MAT2A: variants seen among roughly 807,000 people sequenced by gnomAD.
MAT2A encodes the protein S-adenosylmethionine synthase isoform type-2.
A neutral mutation model predicts 43.9 loss-of-function variants in MAT2A; 3 were observed. That is an observed-to-expected ratio of 0.07 (90% confidence interval 0.03 to 0.18). The LOEUF is 0.18. MAT2A is among the 10% of genes least tolerant of loss of function. MAT2A has a pLI of 1.00. For synonymous variants in MAT2A, 200 were observed against 168.4 expected (o/e 1.19, Z -1.45); for missense variants, 204 against 489.0 (o/e 0.42, Z 5.50).
chr2:85,542,809 A>G (rs1691512163), intron 7 of MAT2A, 62 bp downstream of exon 7: 2 of 1,521,954 alleles, frequency 1.3e-6, no homozygotes, highest in Non-Finnish European at 1.8e-6. Context: ...ATTTAGTAGT[A>G]ATCTACTTAA....
intron 1 of MAT2A, among the ~76,000 whole-genome samples, chr2:85,540,854 G>A (rs1375992378): frequency 6.6e-6 from 1 of 152,154 alleles, no homozygotes; most frequent in Non-Finnish European, 1.5e-5. Flanking sequence ...GGCAAATTCT[G>A]TTCTTTAAAG....
chr2:85,541,065 G>A lies in MAT2A; in HGVS notation c.92-18G>A. On this transcript the variant is annotated intron_variant, in intron 1 of 8. Transcript: ENST00000306434. ...GTTTAAAGTTAAAGAAACTGAGCCA[G>A]GAATTTCTCTTTTCCAGATAAGATT... 5.0e-6 allele frequency: 8 copies of A among 1,590,018 alleles called. No individual in the cohort carries two copies. Among genetic ancestry groups the A allele is most frequent in the Non-Finnish European group, 6.9e-6 (8 of 1,162,306 alleles).
rs961140011 is a variant in MAT2A at position 85,539,254 on chromosome 2, C to A, written c.-34C>A. 6.5e-7 allele frequency: 1 copy of A among 1,536,650 alleles called. No individual in the cohort carries two copies. On this transcript the variant is annotated 5_prime_UTR_variant, in exon 1 of 9. Transcript: ENST00000306434. Reference sequence around the variant, plus strand: ...AGCCGCTGCCGCCTCGCCGCTGCTCCTTCGTAAGGCCACTTCCGCACACCG... The same window carrying A: ...AGCCGCTGCCGCCTCGCCGCTGCTCATTCGTAAGGCCACTTCCGCACACCG...
chr2:85,539,205 C>T lies in MAT2A; in HGVS notation c.-83C>T, dbSNP rs922016177. The T allele has an allele frequency of 2.1e-5, 21 of 980,528 alleles. No individual in the cohort carries two copies. Among genetic ancestry groups the T allele is most frequent in the Admixed American group, 4.2e-5 (2 of 47,174 alleles). The allele number at this position is 980,528 out of a possible 1,614,324, so 60.7% of individuals were successfully genotyped here. A position where few individuals can be genotyped will look rare whatever the true frequency, so the allele number is the denominator to read the frequency against. ...CCGCCCGCCTGCTACGAGTAGAACG[C>T]TGTCCGCAGCTTGCGCATTTCGCAG... On this transcript the variant is annotated 5_prime_UTR_variant, in exon 1 of 9. Transcript: ENST00000306434.
At position 85,541,156 on chromosome 2, in the gene MAT2A, T is replaced by C; in HGVS notation, c.165T>C (p.Ala55=). Residue 55 remains alanine (A), a synonymous_variant, in exon 2 of 9, where the codon GCT becomes GCC. Coordinates refer to ENST00000306434, the MANE Select transcript of MAT2A (RefSeq NM_005911.6). ...AGCAGGATCCTGATGCCAAAGTAGC[T>C]TGTGGTAGGTTCAGAATGTGCTTAT... ...HLQQDPDAKV[A]CETVAKTGMI... is the part of the protein sequence containing the mutation. The C allele has an allele frequency of 1.9e-6, 3 of 1,613,748 alleles. No homozygotes were observed. Among genetic ancestry groups the C allele is most frequent in the Non-Finnish European group, 2.5e-6 (3 of 1,179,672 alleles).
intron 3 of MAT2A, 101 bp downstream of exon 3, chr2:85,541,478 T>A: frequency 7.0e-7 from 1 of 1,434,570 alleles, no homozygotes; most frequent in East Asian, 2.3e-5. Flanking sequence ...CAGTTGTATC[T>A]TACTATACAC....
In MAT2A at chr2:85,543,767, T is replaced by C; in HGVS notation, c.1183T>C (p.Tyr395His). 1 of 1,602,162 alleles carries C rather than the reference T, an allele frequency of 6.2e-7. No homozygotes were observed. The highest frequency in any genetic ancestry group is 1.3e-5 in the African/African-American group (1 of 74,872). Residue 395 changes from tyrosine (Y) to histidine (H), a missense_variant, in exon 9 of 9, where the codon TAT becomes CAT. Tyr to His is a moderately conservative substitution (Grantham distance 83). Coordinates refer to ENST00000306434, the MANE Select transcript of MAT2A (RefSeq NM_005911.6). ...FPWEVPKKLK[Y>H] ...ATGGGAAGTGCCCAAAAAGCTTAAA[T>C]ATTGAAAGTGTTAGCCTTTTTTCCC...
At chr2:85,540,426 T>G (rs531831806) in intron 1 of MAT2A, among the ~76,000 whole-genome samples, 2 of 152,320 alleles carry the variant, frequency 1.3e-5, no homozygotes, top group South Asian at 4.1e-4. Flanking sequence ...AGGTTAGCTG[T>G]TACACCAGTT....
Position 85,543,008 on chromosome 2 carries a change from C to T in MAT2A, c.1059C>T (p.Phe353=), listed in dbSNP as rs199754006. 73 of 1,612,892 alleles carry T rather than the reference C, an allele frequency of 4.5e-5. No individual in the cohort carries two copies. The highest frequency in any genetic ancestry group is 3.9e-4 in the Middle Eastern group (2 of 5,182). Residue 353 remains phenylalanine, a synonymous_variant, in exon 8 of 9, where the codon TTC becomes TTT. Coordinates refer to ENST00000306434, the MANE Select transcript of MAT2A (RefSeq NM_005911.6). ...TATTAGAGATTGTGAAGAAGAATTT[C>T]GATCTCCGCCCTGGGGTCATTGTCA... ...RELLEIVKKN[F]DLRPGVIVRD...
chr2:85,539,563 T>G, intron 1 of MAT2A, 185 bp downstream of exon 1: 1 of 481,214 alleles, frequency 2.1e-6, no homozygotes, highest in Non-Finnish European at 3.7e-6. Context: ...GCCGCTCCTC[T>G]TCCCCCTCCC....
rs777888608 is a variant in MAT2A, at chr2:85,542,767, C to CG, written c.951+21dup. The CG allele has an allele frequency of 1.9e-6, 3 of 1,585,468 alleles. No individual in the cohort carries two copies. The highest frequency in any genetic ancestry group is 3.5e-5 in the Admixed American group (2 of 57,296). On this transcript the variant is annotated intron_variant, in intron 7 of 8. Coordinates refer to ENST00000306434, the MANE Select transcript of MAT2A (RefSeq NM_005911.6). The stretch of plus-strand genomic sequence containing the variant: ...GTTCAGGTATACACTCTTTATATAA[C>CG]GAACGATTAAAAGTCATGTAAGTGG...
At chr2:85,541,014 A>C in intron 1 of MAT2A, 69 bp from the exon 2 acceptor site, 1 of 946,762 alleles carries the variant, frequency 1.1e-6, no homozygotes, top group East Asian at 2.4e-5. Context: ...ACAGGGAGGG[A>C]GCTTGCATAC....
intron 2 of MAT2A, 31 bp downstream of exon 2, chr2:85,541,191 G>A (rs758808985): frequency 1.2e-6 from 2 of 1,612,538 alleles, no homozygotes; most frequent in East Asian, 2.2e-5. Context: ...TCAACTGGTG[G>A]AAAGATAGCA....
chr2:85,542,081 G>A (rs1465843592), intron 5 of MAT2A, 74 bp from the exon 6 acceptor site: 38 of 1,578,780 alleles, frequency 2.4e-5, no homozygotes, highest in Non-Finnish European at 3.1e-5. Flanking sequence ...TTCCTATATT[G>A]TAACTTCAGG....
chr2:85,539,657 G>T (rs1401209364), intron 1 of MAT2A: 2 of 306,472 alleles, frequency 6.5e-6, no homozygotes, highest in South Asian at 4.8e-5. Context: ...GTGAAGGGCG[G>T]GGGCTGTGGT....
Position 85,541,825 on chromosome 2 carries a change from T to G in MAT2A, c.406-4T>G. 1 of 1,614,022 alleles carries G rather than the reference T, an allele frequency of 6.2e-7. No homozygotes were observed. ...GATCACATTGGTGACTTTTCTTTCT[T>G]TAGGGCTTAATGTTTGGCTATGCCA... On this transcript the variant is annotated splice_polypyrimidine_tract_variant and splice_region_variant and intron_variant, in intron 4 of 8. Transcript: ENST00000306434.
In MAT2A at chr2:85,541,319, C is replaced by T. The variant is rs1369112509; in HGVS notation, c.234C>T (p.Asp78=). ...AAATTACATCCAGAGCTGCTGTTGA[C>T]TACCAGAAAGTGGTTCGTGAAGCTG... ...AGEITSRAAV[D]YQKVVREAVK... The change falls in exon 3 of 9, where the codon GAC becomes GAT. Residue 78 remains aspartate (D), a synonymous_variant. Transcript: ENST00000306434. 3 of 1,614,082 alleles carry T rather than the reference C, an allele frequency of 1.9e-6. No homozygotes were observed. Among genetic ancestry groups the T allele is most frequent in the Non-Finnish European group, 1.7e-6 (2 of 1,179,996 alleles).
rs1691388881 is a variant in MAT2A, at chr2:85,539,330, G to C, written c.43G>C (p.Glu15Gln). The stretch of plus-strand genomic sequence containing the variant: ...CGGCTTCCACGAGGCGTTCATCGAG[G>C]AGGGCACATTCCTTTTCACCTCAGA... Reference protein sequence around the residue: ...LNGFHEAFIEEGTFLFTSESV... With the variant: ...LNGFHEAFIEQGTFLFTSESV... Residue 15 changes from glutamate (E) to glutamine (Q), a missense_variant, in exon 1 of 9, where the codon GAG becomes CAG. Coordinates refer to ENST00000306434, the MANE Select transcript of MAT2A (RefSeq NM_005911.6). 1.2e-6 allele frequency: 2 copies of C among 1,607,148 alleles called. No individual in the cohort carries two copies. The highest frequency in any genetic ancestry group is 1.7e-6 in the Non-Finnish European group (2 of 1,177,252).
rs926054748 is a variant in MAT2A at position 85,544,513 on chromosome 2, C to G, written c.*741C>G. 6.6e-6 allele frequency: 1 copy of G among 152,608 alleles called. No individual in the cohort carries two copies. The highest frequency in any genetic ancestry group is 1.5e-5 in the Non-Finnish European group (1 of 68,048). 9.5% of individuals were successfully genotyped at this position (152,608 alleles called of 1,614,324 possible). A position where few individuals can be genotyped will look rare whatever the true frequency, so the allele number is the denominator to read the frequency against. ...GTAATAAGGTTTTAATTTAGTAAAC[C>G]AATCCTATGCATGGTTTCAGCACTA... On this transcript the variant is annotated 3_prime_UTR_variant, in exon 9 of 9. Transcript: ENST00000306434.
Sources: allele counts gnomAD v4.1 joint callset (sites outside exome capture counted in the v4.1 genomes callset), GRCh38; gene constraint gnomAD v4.1.1; transcripts MANE v1.5; gene names NCBI Gene and HGNC (gene_info 2026-07-23, HGNC 2026-07-21).